PDE11A: variants seen among roughly 807,000 people sequenced by gnomAD.
The protein encoded by PDE11A is phosphodiesterase 11A, also known as dual 3',5'-cyclic-AMP and -GMP phosphodiesterase 11A.
In PDE11A, 100 loss-of-function variants were observed where a neutral mutation model predicts 100.5. That is an observed-to-expected ratio of 1.00 (90% CI 0.85 to 1.18). The LOEUF is 1.18. Among genes scored for constraint, PDE11A ranks in the 50% most tolerant of loss-of-function variants. The pLI, the probability that PDE11A is intolerant of heterozygous loss-of-function variation, is 0.00. For missense variants in PDE11A, 1,141 were observed against 1,152.6 expected (o/e 0.99, Z 0.15); for synonymous variants, 381 against 420.8 (o/e 0.91, Z 1.16).
chr2:178,045,230 C>T (rs2086735185), intron 1 of PDE11A, among the ~76,000 whole-genome samples: 1 of 152,050 alleles, frequency 6.6e-6, no homozygotes, highest in Non-Finnish European at 1.5e-5. Flanking sequence ...TCAAACTCTG[C>T]CTTGAAAACT....
At chr2:177,960,281 A>G (rs951772047) in intron 2 of PDE11A, among the ~76,000 whole-genome samples, 2 of 152,158 alleles carry the variant, frequency 1.3e-5, no homozygotes, top group African/African-American at 4.8e-5. Flanking sequence ...TCATCCACCT[A>G]GAAGACAGAA....
chr2:177,916,968 G>A (rs988754476), intron 2 of PDE11A, among the ~76,000 whole-genome samples: 5 of 139,636 alleles, frequency 3.6e-5, no homozygotes, highest in Admixed American at 1.5e-4. Context: ...AGTAGAGATG[G>A]GGTTTCACCG....
chr2:177,728,690 C>T (rs1272193504), intron 10 of PDE11A, among the ~76,000 whole-genome samples: 2 of 152,264 alleles, frequency 1.3e-5, no homozygotes, highest in East Asian at 3.9e-4. Context: ...AAGGATCAGA[C>T]AGCACATCTC....
At chr2:177,710,438 T>C (rs569499629) in intron 13 of PDE11A, among the ~76,000 whole-genome samples, 22 of 152,004 alleles carry the variant, frequency 1.4e-4, no homozygotes, top group Admixed American at 1.4e-3. Flanking sequence ...CAATGGGGAA[T>C]GGGGCTGGCT....
chr2:177,757,045 T>G (rs557443069), intron 10 of PDE11A, among the ~76,000 whole-genome samples: 1 of 152,376 alleles, frequency 6.6e-6, no homozygotes, highest in South Asian at 2.1e-4. Context: ...AAATTCAGCA[T>G]GCCCACCCAT....
Position 177,625,707 on chromosome 2 carries a change from G to A in PDE11A, c.*3700C>T, listed in dbSNP as rs2079822240. ...AATAGGAAATAAACATTAATAATAA[G>A]GACTGGGAAACTTCCTTTCTCTTTT... is the stretch of plus-strand genomic sequence containing the variant. On this transcript the variant is annotated 3_prime_UTR_variant, in exon 20 of 20. Coordinates refer to ENST00000286063, the MANE Select transcript of PDE11A (RefSeq NM_016953.4). The A allele has an allele frequency of 6.6e-6, 1 of 152,204 alleles. No individual in the cohort carries two copies. Among genetic ancestry groups the A allele is most frequent in the Non-Finnish European group, 1.5e-5 (1 of 68,024 alleles). The allele number at this position is 152,204 out of a possible 1,614,324, so 9.4% of individuals were successfully genotyped here. A position where few individuals can be genotyped will look rare whatever the true frequency, so the allele number is the denominator to read the frequency against.
At chr2:177,640,354 T>C (rs986006965) in intron 19 of PDE11A, among the ~76,000 whole-genome samples, 1 of 152,216 alleles carries the variant, frequency 6.6e-6, no homozygotes, top group African/African-American at 2.4e-5. Context: ...TATTTTGAAA[T>C]GGAAAACCAC....
intron 1 of PDE11A, among the ~76,000 whole-genome samples, chr2:178,064,682 G>C (rs1181662259): frequency 6.6e-6 from 1 of 150,878 alleles, no homozygotes; most frequent in Non-Finnish European, 1.5e-5. Flanking sequence ...CACCCTGCCG[G>C]GCTCAGTGGC....
intron 2 of PDE11A, among the ~76,000 whole-genome samples, chr2:177,936,908 G>T (rs551855162): frequency 1.3e-5 from 2 of 150,616 alleles, no homozygotes; most frequent in African/African-American, 4.8e-5. Context: ...GGTGACAAGA[G>T]AAGGATTCCA....
At chr2:177,940,030 T>G (rs2085328167) in intron 2 of PDE11A, among the ~76,000 whole-genome samples, 2 of 152,204 alleles carry the variant, frequency 1.3e-5, no homozygotes, top group East Asian at 1.9e-4. Context: ...TAGAGATATA[T>G]AACTTAAATA....
At chr2:177,946,032 G>GC in intron 2 of PDE11A, among the ~76,000 whole-genome samples, 1 of 140,890 alleles carries the variant, frequency 7.1e-6, no homozygotes, top group South Asian at 2.3e-4. Context: ...CCGGCCAGCC[G>GC]CCCCGTCCGG....
At chr2:177,933,973 C>T (rs2085242075) in intron 2 of PDE11A, among the ~76,000 whole-genome samples, 1 of 152,120 alleles carries the variant, frequency 6.6e-6, no homozygotes, top group South Asian at 2.1e-4. Context: ...CATATATAAA[C>T]ATTAACTCAA....
chr2:177,859,638 G>C (rs577989270), intron 5 of PDE11A, among the ~76,000 whole-genome samples: 2 of 151,882 alleles, frequency 1.3e-5, no homozygotes, highest in Non-Finnish European at 2.9e-5. Flanking sequence ...GACATCTATA[G>C]AGCACTCCAC....
intron 5 of PDE11A, among the ~76,000 whole-genome samples, chr2:177,845,603 G>T (rs1299324890): frequency 6.6e-6 from 1 of 152,168 alleles, no homozygotes; most frequent in African/African-American, 2.4e-5. Context: ...GCTGGGCAGA[G>T]ACGCTCCTCA....
chr2:177,707,728 C>T (rs898607791), intron 13 of PDE11A, among the ~76,000 whole-genome samples: 4 of 152,092 alleles, frequency 2.6e-5, no homozygotes, highest in African/African-American at 9.7e-5. Flanking sequence ...AGATAAAATC[C>T]GATCGGTCCA....
Position 177,853,714 on chromosome 2 carries a change from T to TGTGTGTGTGTGTGTGTTTG in PDE11A, c.1368-13332_1368-13331insCAAACACACACACACACAC, listed in dbSNP as rs1558974124. ...TGTGTGTGTGTGTGTGTGTGTGTGT[T>TGTGTGTGTGTGTGTGTTTG]TGTGTGTGTGTGTGTGTATATCTAT... On this transcript the variant is annotated intron_variant, in intron 5 of 19. Coordinates refer to ENST00000286063, the MANE Select transcript of PDE11A (RefSeq NM_016953.4). 5.0e-3 allele frequency among the ~76,000 whole-genome samples: 81 copies of TGTGTGTGTGTGTGTGTTTG among 16,224 alleles called. 2 individuals carry two copies. Among genetic ancestry groups the TGTGTGTGTGTGTGTGTTTG allele is most frequent in the Non-Finnish European group, 8.9e-3 (69 of 7,794 alleles). The allele number at this position is 16,224 out of a possible 152,430, so 10.6% of individuals were successfully genotyped here.
intron 4 of PDE11A, among the ~76,000 whole-genome samples, chr2:177,877,086 C>A (rs2084252526): frequency 6.8e-6 from 1 of 147,150 alleles, no homozygotes; most frequent in Non-Finnish European, 1.5e-5. Context: ...AAAGAACAGA[C>A]AATGACCAGG....
intron 9 of PDE11A, among the ~76,000 whole-genome samples, chr2:177,812,123 C>T (rs1207354667): frequency 6.6e-6 from 1 of 152,106 alleles, no homozygotes; most frequent in African/African-American, 2.4e-5. Flanking sequence ...TAAACACTTT[C>T]CCTGTAATTT....
intron 9 of PDE11A, among the ~76,000 whole-genome samples, chr2:177,778,743 A>G (rs2082412903): frequency 6.6e-6 from 1 of 152,226 alleles, no homozygotes; most frequent in Non-Finnish European, 1.5e-5. Flanking sequence ...ATTTCTTAAC[A>G]AGATGATGAC....
Sources: allele counts gnomAD v4.1 joint callset (sites outside exome capture counted in the v4.1 genomes callset), GRCh38; gene constraint gnomAD v4.1.1; transcripts MANE v1.5; gene names NCBI Gene and HGNC (gene_info 2026-07-23, HGNC 2026-07-21).